Variants in RGPD1 observed in about 807,000 individuals in gnomAD.
RGPD1 encodes the protein RANBP2 like and GRIP domain containing 1.
RGPD1 carries 7 observed loss-of-function variants against 40.6 expected under a neutral mutation model. The observed-to-expected ratio is 0.17, with a 90% CI of 0.10 to 0.32. The LOEUF is 0.32. Ranked by LOEUF, RGPD1 falls within the 10% of genes least tolerant of loss-of-function variation. The pLI is 1.00. For synonymous variants in RGPD1, 24 were observed against 167.0 expected (o/e 0.14, Z 6.60); for missense variants, 50 against 472.5 (o/e 0.11, Z 8.29).
At chr2:86,934,648 G>A (rs1369460107) in intron 1 of RGPD1, 2 of 177,970 alleles carry the variant, frequency 1.1e-5, no homozygotes, top group African/African-American at 5.0e-5. Context: ...TAGGTCCAAG[G>A]AATCAAGGCA....
chr2:86,944,432 TCTCA>T (rs1363245342), intron 1 of RGPD1, among the ~76,000 whole-genome samples: 1 of 151,388 alleles, frequency 6.6e-6, no homozygotes, highest in African/African-American at 2.4e-5. Flanking sequence ...TTAGGTGGGG[TCTCA>T]CTCTGTCACC....
At chr2:86,978,121 G>T (rs1681345421) in intron 17 of RGPD1, among the ~76,000 whole-genome samples, 190 bp downstream of exon 17, 2 of 121,312 alleles carry the variant, frequency 1.6e-5, no homozygotes, top group Admixed American at 7.6e-5. Flanking sequence ...CAGTACAGTG[G>T]TATGATCACA....
chr2:86,930,584 C>G, intron 1 of RGPD1: 1 of 1,611,308 alleles, frequency 6.2e-7, no homozygotes, highest in East Asian at 2.2e-5. Flanking sequence ...GCCAGAACCA[C>G]CAGAGCTCAT....
intron 1 of RGPD1, among the ~76,000 whole-genome samples, chr2:86,943,066 T>A (rs1444330403): frequency 6.6e-6 from 1 of 150,844 alleles, no homozygotes; most frequent in Non-Finnish European, 1.5e-5. Context: ...AGGTCGTACC[T>A]CCTTGGCCTG....
At chr2:86,925,918 GAAT>G (rs754297891) in intron 1 of RGPD1, among the ~76,000 whole-genome samples, 11 of 152,074 alleles carry the variant, frequency 7.2e-5, no homozygotes, top group Non-Finnish European at 1.5e-4. Flanking sequence ...TTTGCCAAAT[GAAT>G]AATTAAAAAA....
intron 1 of RGPD1, among the ~76,000 whole-genome samples, chr2:86,920,053 T>C (rs1678032037): frequency 6.6e-6 from 1 of 152,072 alleles, no homozygotes; most frequent in South Asian, 2.1e-4. Context: ...TATGGGAAAA[T>C]AGGGACAATT....
chr2:86,936,827 G>A lies in RGPD1; in HGVS notation c.73-14469G>A, dbSNP rs1284974148. Among the ~76,000 whole-genome samples the A allele has an allele frequency of 1.2e-4, 17 of 143,846 alleles. 1 individual carries two copies. Among genetic ancestry groups the A allele is most frequent in the Non-Finnish European group, 2.1e-4 (14 of 65,622 alleles). 94.4% of individuals were successfully genotyped at this position (143,846 alleles called of 152,430 possible). Reference sequence around the variant, plus strand: ...TTATAATTGGTTCATTTGGGGACTCGAAATTCTCCATTTTATTTTATTTTA... The same window carrying A: ...TTATAATTGGTTCATTTGGGGACTCAAAATTCTCCATTTTATTTTATTTTA... On this transcript the variant is annotated intron_variant, in intron 1 of 22. Coordinates refer to the RGPD1 transcript ENST00000398193.
chr2:86,945,018 A>AT (rs11300390), intron 1 of RGPD1, among the ~76,000 whole-genome samples: 266 of 141,960 alleles, frequency 1.9e-3, no homozygotes, highest in Non-Finnish European at 2.7e-3. Flanking sequence ...GCTCAGCCTG[A>AT]TTTTTTTTTT....
At chr2:86,967,240 AATG>A (rs1302209025) in intron 7 of RGPD1, among the ~76,000 whole-genome samples, 2 of 18,016 alleles carry the variant, frequency 1.1e-4, no homozygotes, top group African/African-American at 2.3e-4. Context: ...TATTTTGAAA[AATG>A]AGCATGTTTG....
intron 1 of RGPD1, among the ~76,000 whole-genome samples, chr2:86,923,046 T>TC (rs1457405335): frequency 1.6e-5 from 2 of 122,844 alleles, no homozygotes; most frequent in Non-Finnish European, 3.5e-5. Context: ...TTTTTTTTTT[T>TC]TTTTTTTTTG....
intron 1 of RGPD1, among the ~76,000 whole-genome samples, chr2:86,944,260 C>T (rs1452249160): frequency 2.6e-5 from 4 of 152,066 alleles, no homozygotes; most frequent in Non-Finnish European, 4.4e-5. Context: ...ACAGTCTATT[C>T]CTCCAGAGAA....
At chr2:87,009,304 C>CA (rs1232188789) in intron 22 of RGPD1, among the ~76,000 whole-genome samples, 13 of 1,162 alleles carry the variant, frequency 0.011, no homozygotes, top group African/African-American at 0.03. Context: ...GACTCTGTCT[C>CA]AAAAAAAAAA....
chr2:86,928,493 G>A (rs1342436557), intron 1 of RGPD1, among the ~76,000 whole-genome samples: 1 of 152,060 alleles, frequency 6.6e-6, no homozygotes, highest in African/African-American at 2.4e-5. Context: ...TGGTAAATGA[G>A]TAGTATGGTA....
intron 1 of RGPD1, among the ~76,000 whole-genome samples, chr2:86,923,398 C>A (rs1393096228): frequency 6.6e-6 from 1 of 151,398 alleles, no homozygotes; most frequent in Non-Finnish European, 1.5e-5. Flanking sequence ...GTGTAATTTA[C>A]AAAAATGAAA....
rs1423375985 is a variant in RGPD1 at position 87,000,319 on chromosome 2, C to T, written c.5236+2561C>T. On this transcript the variant is annotated intron_variant, in intron 22 of 22. Transcript: ENST00000641458. Reference sequence around the variant, plus strand: ...GTCTAACAGGTCTCTTTTAAAAGCTCAGCATGTTTAATGTAGACGTTGCTA... The same window carrying T: ...GTCTAACAGGTCTCTTTTAAAAGCTTAGCATGTTTAATGTAGACGTTGCTA... Among the ~76,000 whole-genome samples the T allele has an allele frequency of 9.2e-5, 12 of 130,972 alleles. 5 individuals carry two copies. The highest frequency in any genetic ancestry group is 4.5e-4 in the African/African-American group (12 of 26,386). The allele number at this position is 130,972 out of a possible 152,430, so 85.9% of individuals were successfully genotyped here. A position where few individuals can be genotyped will look rare whatever the true frequency, so the allele number is the denominator to read the frequency against.
intron 1 of RGPD1, chr2:86,930,590 C>G: frequency 3.7e-6 from 6 of 1,611,428 alleles, no homozygotes; most frequent in Non-Finnish European, 5.1e-6. Context: ...ACCACCAGAG[C>G]TCATAGTAGT....
chr2:86,915,545 C>T (rs1198848855), intron 1 of RGPD1, among the ~76,000 whole-genome samples: 1 of 75,898 alleles, frequency 1.3e-5, no homozygotes, highest in Non-Finnish European at 2.6e-5. Context: ...AAATAGAAGC[C>T]CCATAGTTTA....
chr2:86,933,427 AATT>A (rs1469190378), intron 1 of RGPD1, among the ~76,000 whole-genome samples: 1 of 150,032 alleles, frequency 6.7e-6, no homozygotes, highest in East Asian at 1.9e-4. Context: ...ATGCAATTGA[AATT>A]ATGATATAAA....
At chr2:86,962,585 G>A (rs1343470425) in intron 6 of RGPD1, among the ~76,000 whole-genome samples, 16 of 125,396 alleles carry the variant, frequency 1.3e-4, no homozygotes, top group Non-Finnish European at 2.0e-4. Flanking sequence ...AGCAATTGCT[G>A]TATTGATACT....
Sources: allele counts gnomAD v4.1 joint callset (sites outside exome capture counted in the v4.1 genomes callset), GRCh38; gene constraint gnomAD v4.1.1; transcripts MANE v1.5; gene names NCBI Gene and HGNC (gene_info 2026-07-23, HGNC 2026-07-21).